The following DTWD1 variants were observed in gnomAD, a reference collection of about 807,000 sequenced individuals.
DTWD1 encodes the protein tRNA-uridine aminocarboxypropyltransferase 1.
Under a neutral mutation model 30.2 loss-of-function variants are expected in DTWD1, and 27 were observed. The ratio of observed to expected loss-of-function variants is 0.90; its 90% CI spans 0.66 to 1.23. DTWD1 has a LOEUF of 1.23. Among genes scored for constraint, DTWD1 ranks in the 50% most tolerant of loss-of-function variants. The pLI is 0.00. For synonymous variants in DTWD1, 99 were observed against 113.1 expected (o/e 0.88, Z 0.79); for missense variants, 342 against 348.8 (o/e 0.98, Z 0.15).
intron 2 of DTWD1, chr15:49,631,922 T>A (rs971660300): frequency 4.2e-6 from 2 of 476,066 alleles, no homozygotes; most frequent in Non-Finnish European, 7.5e-6. Flanking sequence ...AAGAGAAGAT[T>A]CTCTGTTAAA....
intron 4 of DTWD1, among the ~76,000 whole-genome samples, chr15:49,636,233 A>T (rs1345173335): frequency 6.6e-6 from 1 of 151,752 alleles, no homozygotes; most frequent in African/African-American, 2.4e-5. Flanking sequence ...TGCTACAATT[A>T]GTGTTATCTA....
At chr15:49,636,567 C>T (rs1446930941) in intron 4 of DTWD1, among the ~76,000 whole-genome samples, 1 of 151,964 alleles carries the variant, frequency 6.6e-6, no homozygotes, top group East Asian at 1.9e-4. Context: ...TTTTTCATGA[C>T]TTAGACTTTT....
rs572537857 is a variant in DTWD1 at position 49,652,931 on chromosome 15, G to C, written c.*9353G>C. 6.6e-6 allele frequency: 1 copy of C among 152,206 alleles called. No homozygotes were observed. The highest frequency in any genetic ancestry group is 6.5e-5 in the Admixed American group (1 of 15,282). The allele number at this position is 152,206 out of a possible 1,614,324, so 9.4% of individuals were successfully genotyped here. A position where few individuals can be genotyped will look rare whatever the true frequency, so the allele number is the denominator to read the frequency against. ...TTGAGGTCATACCCTTCCCATGTCT[G>C]GTGACTGAAGTCCAGCTGAATGTAG... On this transcript the variant is annotated 3_prime_UTR_variant, in exon 5 of 5. Coordinates refer to ENST00000403028, the MANE Select transcript of DTWD1 (RefSeq NM_001144955.2).
At chr15:49,637,429 C>A (rs1171392898) in intron 4 of DTWD1, among the ~76,000 whole-genome samples, 2 of 152,050 alleles carry the variant, frequency 1.3e-5, no homozygotes, top group Admixed American at 6.6e-5. Flanking sequence ...GCTATAGTTT[C>A]TTTTAATAGG....
At chr15:49,636,828 A>G (rs540648190) in intron 4 of DTWD1, among the ~76,000 whole-genome samples, 61 of 152,336 alleles carry the variant, frequency 4.0e-4, no homozygotes, top group African/African-American at 1.4e-3. Context: ...TAGGAGGCAC[A>G]TAATGCAAAT....
chr15:49,639,879 A>G (rs779624676), intron 4 of DTWD1, among the ~76,000 whole-genome samples: 29 of 152,210 alleles, frequency 1.9e-4, no homozygotes, highest in Non-Finnish European at 3.8e-4. Flanking sequence ...CATGACTTCA[A>G]GCTCCAATTC....
intron 4 of DTWD1, among the ~76,000 whole-genome samples, chr15:49,635,718 T>C (rs1364089773): frequency 6.6e-6 from 1 of 152,040 alleles, no homozygotes; most frequent in Non-Finnish European, 1.5e-5. Context: ...GGTCTCTAAC[T>C]CCTGACCTCA....
Position 49,651,578 on chromosome 15 carries a change from A to G in DTWD1, c.*8000A>G, listed in dbSNP as rs959413737. On this transcript the variant is annotated 3_prime_UTR_variant, in exon 5 of 5. Coordinates refer to ENST00000403028, the MANE Select transcript of DTWD1 (RefSeq NM_001144955.2). ...GTCCAACCTACAAGCAACACAGACA[A>G]TACTGCACCCCTGATATAATACCAT... is the stretch of plus-strand genomic sequence containing the variant. 2.0e-5 allele frequency: 3 copies of G among 152,114 alleles called. No homozygotes were observed. Among genetic ancestry groups the G allele is most frequent in the African/African-American group, 7.2e-5 (3 of 41,408 alleles). The allele number at this position is 152,114 out of a possible 1,614,324, so 9.4% of individuals were successfully genotyped here.
At position 49,647,924 on chromosome 15, in the gene DTWD1, A is replaced by G. The variant is rs2079130486; in HGVS notation, c.*4346A>G. On this transcript the variant is annotated 3_prime_UTR_variant, in exon 5 of 5. Coordinates refer to ENST00000403028, the MANE Select transcript of DTWD1 (RefSeq NM_001144955.2). The stretch of plus-strand genomic sequence containing the variant: ...AAATTTAAAAAGTGATTGCTGAAAT[A>G]AAAATTAAATATAAGAGTTGAAGAT... 6.6e-6 allele frequency: 1 copy of G among 152,178 alleles called. No homozygotes were observed. The highest frequency in any genetic ancestry group is 1.9e-4 in the East Asian group (1 of 5,184). 9.4% of individuals were successfully genotyped at this position (152,178 alleles called of 1,614,324 possible).
intron 2 of DTWD1, chr15:49,630,993 T>C (rs1347100086): frequency 2.2e-6 from 1 of 446,270 alleles, no homozygotes; most frequent in Non-Finnish European, 4.5e-6. Flanking sequence ...CTGTCTCCCA[T>C]GTCCTAGATG....
At chr15:49,626,690 T>C (rs1017375197) in intron 2 of DTWD1, 4 of 382,896 alleles carry the variant, frequency 1.0e-5, no homozygotes, top group Non-Finnish European at 1.6e-5. Flanking sequence ...TAAAGTTCAT[T>C]TGAATTTGAA....
At position 49,625,358 on chromosome 15, in the gene DTWD1, C is replaced by G; in HGVS notation, c.191C>G (p.Ser64Cys). 6.2e-7 allele frequency: 1 copy of G among 1,613,598 alleles called. No individual in the cohort carries two copies. Among genetic ancestry groups the G allele is most frequent in the South Asian group, 1.1e-5 (1 of 91,042 alleles). ...GRSKCLKCGG[S>C]RMFYCYTCYV... Reference sequence around the variant, plus strand: ...TCAAAATGTCTCAAATGTGGTGGTTCCAGAATGTTCTACTGCTATACATGT... The same window carrying G: ...TCAAAATGTCTCAAATGTGGTGGTTGCAGAATGTTCTACTGCTATACATGT... The change falls in exon 2 of 5, where the codon TCC (serine) becomes TGC (cysteine). Residue 64 changes from serine (S) to cysteine (C), a missense_variant. By Grantham distance (112) the Ser-to-Cys change is moderately radical (BLOSUM62 -1). Coordinates refer to ENST00000403028, the MANE Select transcript of DTWD1 (RefSeq NM_001144955.2).
Position 49,654,900 on chromosome 15 carries a change from T to G in DTWD1, c.*11322T>G, listed in dbSNP as rs1343083606. The G allele has an allele frequency of 1.3e-5, 2 of 151,968 alleles. No homozygotes were observed. The highest frequency in any genetic ancestry group is 4.8e-5 in the African/African-American group (2 of 41,418). 9.4% of individuals were successfully genotyped at this position (151,968 alleles called of 1,614,324 possible). A position where few individuals can be genotyped will look rare whatever the true frequency, so the allele number is the denominator to read the frequency against. On this transcript the variant is annotated 3_prime_UTR_variant, in exon 5 of 5. Transcript: ENST00000403028. Reference sequence around the variant, plus strand: ...ATCAGAGTTTCAGCATGGTTAGGTGTTTAGTGGGCGCTCCCTTCCTGGTTT... The same window carrying G: ...ATCAGAGTTTCAGCATGGTTAGGTGGTTAGTGGGCGCTCCCTTCCTGGTTT...
chr15:49,635,043 C>T (rs2078983144), intron 4 of DTWD1, among the ~76,000 whole-genome samples: 1 of 151,670 alleles, frequency 6.6e-6, no homozygotes, highest in Admixed American at 6.6e-5. Context: ...GTACATTTTC[C>T]TTTTTTTTCT....
At position 49,621,086 on chromosome 15, in the gene DTWD1, G is replaced by C. The variant is rs1331308760; in HGVS notation, c.-92G>C. 3 of 152,642 alleles carry C rather than the reference G, an allele frequency of 2.0e-5. No individual in the cohort carries two copies. Among genetic ancestry groups the C allele is most frequent in the Non-Finnish European group, 4.4e-5 (3 of 68,374 alleles). 9.5% of individuals were successfully genotyped at this position (152,642 alleles called of 1,614,324 possible). ...TGGCTCGGGCTCGGGCGGAGCTGGA[G>C]ACGTGTGGAGCTGTTCGAGGACTCG... is the stretch of plus-strand genomic sequence containing the variant. On this transcript the variant is annotated 5_prime_UTR_variant, in exon 1 of 5. Coordinates refer to ENST00000403028, the MANE Select transcript of DTWD1 (RefSeq NM_001144955.2).
At position 49,638,645 on chromosome 15, in the gene DTWD1, A is replaced by G. The variant is rs1036610190; in HGVS notation, c.667+3851A>G. Among the ~76,000 whole-genome samples, 23 of 152,348 alleles carry G rather than the reference A, an allele frequency of 1.5e-4. No homozygotes were observed. In the East Asian group the frequency reaches 4.4e-3, roughly 29 times the overall value. ...TCGTCATTTCGTGAGATTAATCTGA[A>G]CAAACTGAGTCTATACCTCAATTAA... On this transcript the variant is annotated intron_variant, in intron 4 of 4. Coordinates refer to ENST00000403028, the MANE Select transcript of DTWD1 (RefSeq NM_001144955.2).
chr15:49,643,648 T>G lies in DTWD1; in HGVS notation c.*70T>G. Reference sequence around the variant, plus strand: ...AAACTTATATTTGTGCTTTGTTTTTTCTTAAGAAATAATCATATATAATGC... The same window carrying G: ...AAACTTATATTTGTGCTTTGTTTTTGCTTAAGAAATAATCATATATAATGC... On this transcript the variant is annotated 3_prime_UTR_variant, in exon 5 of 5. Coordinates refer to ENST00000403028, the MANE Select transcript of DTWD1 (RefSeq NM_001144955.2). 2.0e-6 allele frequency: 3 copies of G among 1,471,872 alleles called. No individual in the cohort carries two copies. Among genetic ancestry groups the G allele is most frequent in the South Asian group, 2.8e-5 (2 of 72,308 alleles). 91.2% of individuals were successfully genotyped at this position (1,471,872 alleles called of 1,614,324 possible). A position where few individuals can be genotyped will look rare whatever the true frequency, so the allele number is the denominator to read the frequency against.
In DTWD1 at chr15:49,649,260, G is replaced by C. The variant is rs2079138735; in HGVS notation, c.*5682G>C. 1 of 152,102 alleles carries C rather than the reference G, an allele frequency of 6.6e-6. No homozygotes were observed. The highest frequency in any genetic ancestry group is 2.4e-5 in the African/African-American group (1 of 41,428). 9.4% of individuals were successfully genotyped at this position (152,102 alleles called of 1,614,324 possible). A position where few individuals can be genotyped will look rare whatever the true frequency, so the allele number is the denominator to read the frequency against. ...GCCTTTAGAACTTTAAGTGAAAATA[G>C]TTTTCTATTTGGATTCTATTTTTAG... On this transcript the variant is annotated 3_prime_UTR_variant, in exon 5 of 5. Coordinates refer to ENST00000403028, the MANE Select transcript of DTWD1 (RefSeq NM_001144955.2).
intron 2 of DTWD1, among the ~76,000 whole-genome samples, chr15:49,631,805 A>T (rs148471221): frequency 6.6e-6 from 1 of 152,160 alleles, no homozygotes; most frequent in Non-Finnish European, 1.5e-5. Flanking sequence ...AAAATAGGCA[A>T]ACCTAAAGTT....
Sources: gnomAD v4.1 joint callset for allele counts (sites outside exome capture counted in the v4.1 genomes callset) on GRCh38, gnomAD v4.1.1 for gene constraint, MANE v1.5 for transcripts, NCBI Gene and HGNC (gene_info 2026-07-23, HGNC 2026-07-21) for gene names.